Variants in CFLAR observed in about 807,000 individuals in gnomAD.
The protein encoded by CFLAR is CASP8 and FADD-like apoptosis regulator.
Under a neutral mutation model 51.1 loss-of-function variants are expected in CFLAR, and 14 were observed. The ratio of observed to expected loss-of-function variants is 0.27; its 90% CI spans 0.18 to 0.43. The LOEUF (loss-of-function observed/expected upper bound fraction) is 0.43. Ranked by LOEUF, CFLAR falls within the 20% of genes least tolerant of loss-of-function variation. CFLAR has a pLI of 1.00. For synonymous variants in CFLAR, 210 were observed against 211.6 expected, an observed-to-expected ratio of 0.99 and a Z score of 0.06; for missense variants, 390 against 566.5, an observed-to-expected ratio of 0.69 and a Z score of 3.16.
intron 1 of CFLAR, among the ~76,000 whole-genome samples, chr2:201,117,750 C>CTTTTTTT (rs1174973596): frequency 8.8e-6 from 1 of 113,888 alleles, no homozygotes; most frequent in Non-Finnish European, 1.8e-5. Flanking sequence ...GCTCCAAGAT[C>CTTTTTTT]TTTTTTTTTT....
In CFLAR at chr2:201,118,407, T is replaced by G. The variant is rs1270618043; in HGVS notation, c.-138+1926T>G. The G allele has an allele frequency of 6.6e-6, 1 of 152,202 alleles. No homozygotes were observed. Among genetic ancestry groups the G allele is most frequent in the Non-Finnish European group, 1.5e-5 (1 of 68,058 alleles). 9.4% of individuals were successfully genotyped at this position (152,202 alleles called of 1,614,324 possible). A position where few individuals can be genotyped will look rare whatever the true frequency, so the allele number is the denominator to read the frequency against. On this transcript the variant is annotated intron_variant, in intron 1 of 9. Transcript: ENST00000309955. This position sits in a 1 kb window ranked among gnomAD's most constrained non-coding sequence, Gnocchi z 5.1. ...CTTGGGCTGGGGACCTCCAGGAAGCTGAAGCGGAAATTGCCTAGGCCCCTG... is the reference window on the plus strand; with the variant it reads ...CTTGGGCTGGGGACCTCCAGGAAGCGGAAGCGGAAATTGCCTAGGCCCCTG...
At position 201,133,648 on chromosome 2, in the gene CFLAR, A is replaced by G. The variant is rs536451613; in HGVS notation, c.387+514A>G. On this transcript the variant is annotated intron_variant, in intron 3 of 9. Transcript: ENST00000309955. ...TAGAGATTTAGAGTTGAAAACCAGG[A>G]GGCCGGGCGCAGTGGCTCATGCCTG... Among the ~76,000 whole-genome samples, 11 of 152,136 alleles carry G rather than the reference A, an allele frequency of 7.2e-5. 1 individual carries two copies. Among genetic ancestry groups the G allele is most frequent in the Middle Eastern group, 6.8e-3 (2 of 294 alleles).
rs541597300 is a variant in CFLAR at position 201,162,645 on chromosome 2, C to T, written c.1305-1190C>T. ...TGGCATCCTTTCACCTGGCTGTGAGCAGAAAGTCCTTGATTTCCTCAATTT... is the reference window on the plus strand; with the variant it reads ...TGGCATCCTTTCACCTGGCTGTGAGTAGAAAGTCCTTGATTTCCTCAATTT... On this transcript the variant is annotated intron_variant, in intron 9 of 9. Transcript: ENST00000309955. 351 of 208,450 alleles carry T rather than the reference C, an allele frequency of 1.7e-3. 1 individual carries two copies. The highest frequency in any genetic ancestry group is 7.5e-3 in the African/African-American group (320 of 42,898). 12.9% of individuals were successfully genotyped at this position (208,450 alleles called of 1,614,324 possible). A position where few individuals can be genotyped will look rare whatever the true frequency, so the allele number is the denominator to read the frequency against.
At chr2:201,158,373 C>T (rs1183213348) in intron 8 of CFLAR, among the ~76,000 whole-genome samples, 1 of 152,150 alleles carries the variant, frequency 6.6e-6, no homozygotes, top group African/African-American at 2.4e-5. Context: ...TCAGCATGGG[C>T]AGGGAGAATG....
chr2:201,136,730 T>G (rs2125717205), intron 4 of CFLAR: 1 of 523,422 alleles, frequency 1.9e-6, no homozygotes, highest in Middle Eastern at 5.4e-4. Flanking sequence ...TAGAGCACTC[T>G]TTTACCCCAA....
intron 5 of CFLAR, chr2:201,143,289 A>G (rs951001523): frequency 1.3e-5 from 2 of 151,556 alleles, no homozygotes; most frequent in African/African-American, 4.9e-5. Context: ...TGAGACCAAC[A>G]TGGAGAAACC....
chr2:201,160,401 G>A (rs1181220317), intron 8 of CFLAR, 31 bp from the exon 9 acceptor site: 2 of 1,599,998 alleles, frequency 1.3e-6, no homozygotes, highest in Non-Finnish European at 8.5e-7. Flanking sequence ...CTCCAGTGTT[G>A]TTTTCCGTGT....
chr2:201,120,273 C>T (rs1467681378), intron 1 of CFLAR, among the ~76,000 whole-genome samples: 4 of 151,886 alleles, frequency 2.6e-5, no homozygotes, highest in Non-Finnish European at 5.9e-5. Context: ...GCAGCCTCTG[C>T]CTCCTGGGTT....
At chr2:201,161,699 G>T (rs1223547712) in intron 9 of CFLAR, among the ~76,000 whole-genome samples, 1 of 149,976 alleles carries the variant, frequency 6.7e-6, no homozygotes, top group African/African-American at 2.5e-5. Flanking sequence ...ACAAGCGTGA[G>T]CCACTGCGCC....
intron 2 of CFLAR, among the ~76,000 whole-genome samples, chr2:201,131,923 C>T (rs976869488): frequency 4.0e-5 from 6 of 151,778 alleles, no homozygotes; most frequent in African/African-American, 1.5e-4. Flanking sequence ...TTGTTGTGAG[C>T]ATCAGTTGTA....
chr2:201,128,226 G>A (rs2048893680), intron 1 of CFLAR, among the ~76,000 whole-genome samples: 1 of 152,048 alleles, frequency 6.6e-6, no homozygotes, highest in Admixed American at 6.6e-5. Context: ...AAAAGAACTT[G>A]GCCTCCTTTT....
At chr2:201,137,514 C>A in intron 4 of CFLAR, 1 of 642,106 alleles carries the variant, frequency 1.6e-6, no homozygotes. Context: ...GCACCGCTGT[C>A]CTCAGTACAG....
intron 9 of CFLAR, chr2:201,162,896 G>T: frequency 3.2e-6 from 2 of 630,296 alleles, no homozygotes; most frequent in Non-Finnish European, 5.8e-6. Context: ...TAATTTACTT[G>T]ATCAATCTTC....
intron 3 of CFLAR, 76 bp from the exon 4 acceptor site, chr2:201,135,896 G>T (rs2050050046): frequency 1.3e-6 from 2 of 1,543,994 alleles, no homozygotes; most frequent in African/African-American, 1.4e-5. Context: ...CAAAGTGCTG[G>T]GATTACAGGT....
At chr2:201,159,990 C>T (rs1942812592) in intron 8 of CFLAR, among the ~76,000 whole-genome samples, 1 of 152,084 alleles carries the variant, frequency 6.6e-6, no homozygotes. Context: ...TGGCAGGAAG[C>T]CTGTTCTTCA....
At position 201,163,891 on chromosome 2, in the gene CFLAR, A is replaced by G. The variant is rs754719245; in HGVS notation, c.1361A>G (p.Asn454Ser). ...IELNGYMYDW[N>S]SRVSAKEKYY... ...CTCAATGGCTACATGTATGATTGGAACAGCAGAGTTTCTGCCAAGGAGAAA... is the reference window on the plus strand; with the variant it reads ...CTCAATGGCTACATGTATGATTGGAGCAGCAGAGTTTCTGCCAAGGAGAAA... The change falls in exon 10 of 10, where the codon AAC (asparagine) becomes AGC (serine). Residue 454 changes from asparagine (N) to serine (S), a missense_variant. Around this residue, in one of 2 missense-constraint regions of CFLAR, gnomAD observed 287 missense variants for 363.6 expected, o/e 0.79. Coordinates refer to ENST00000309955, the MANE Select transcript of CFLAR (RefSeq NM_003879.7). 6.2e-7 allele frequency: 1 copy of G among 1,614,190 alleles called. No homozygotes were observed. Among genetic ancestry groups the G allele is most frequent in the South Asian group, 1.1e-5 (1 of 91,086 alleles).
Position 201,129,878 on chromosome 2 carries a change from G to C in CFLAR, c.13G>C (p.Val5Leu). 6.2e-7 allele frequency: 1 copy of C among 1,614,158 alleles called. No homozygotes were observed. Among genetic ancestry groups the C allele is most frequent in the Non-Finnish European group, 8.5e-7 (1 of 1,180,006 alleles). Reference sequence around the variant, plus strand: ...GTCTAAGAGTAGGATGTCTGCTGAAGTCATCCATCAGGTTGAAGAAGCACT... The same window carrying C: ...GTCTAAGAGTAGGATGTCTGCTGAACTCATCCATCAGGTTGAAGAAGCACT... Reference protein sequence around the residue: MSAEVIHQVEEALDT... With the variant: MSAELIHQVEEALDT... Residue 5 changes from valine to leucine, a missense_variant, in exon 2 of 10, where the codon GTC (valine) becomes CTC (leucine). Val to Leu is a conservative substitution (Grantham distance 32). Coordinates refer to ENST00000309955, the MANE Select transcript of CFLAR (RefSeq NM_003879.7).
At chr2:201,153,305 A>G (rs1363878638) in intron 8 of CFLAR, 1 of 152,228 alleles carries the variant, frequency 6.6e-6, no homozygotes, top group African/African-American at 2.4e-5. Context: ...TCACAAATCC[A>G]CTTACATGCA....
At position 201,124,459 on chromosome 2, in the gene CFLAR, C is replaced by T. The variant is rs549858605; in HGVS notation, c.-137-5270C>T. ...AAGAGACTTTTGTGCCTCAACCCCTCGAGTAGCTGGGATTACAGACATGCA... is the reference window on the plus strand; with the variant it reads ...AAGAGACTTTTGTGCCTCAACCCCTTGAGTAGCTGGGATTACAGACATGCA... On this transcript the variant is annotated intron_variant, in intron 1 of 9. Transcript: ENST00000309955. The surrounding 1 kb of genome is among the most constrained non-coding windows in gnomAD (Gnocchi z 4.7). Among the ~76,000 whole-genome samples, 4 of 152,240 alleles carry T rather than the reference C, an allele frequency of 2.6e-5. No individual in the cohort carries two copies. Among genetic ancestry groups the T allele is most frequent in the East Asian group, 1.9e-4 (1 of 5,188 alleles).
Sources: gnomAD v4.1 joint callset for allele counts (sites outside exome capture counted in the v4.1 genomes callset) on GRCh38, gnomAD v4.1.1 for gene constraint, gnomAD v4.1.1 regional missense constraint, Gnocchi (gnomAD v3.1) non-coding constraint, MANE v1.5 for transcripts, NCBI Gene and HGNC (gene_info 2026-07-23, HGNC 2026-07-21) for gene names.